Variants in ZC4H2 observed in about 807,000 individuals in gnomAD.
ZC4H2 encodes zinc finger C4H2 domain-containing protein.
For synonymous variants in ZC4H2, 84 were observed against 66.3 expected, an observed-to-expected ratio of 1.27 and a Z score of -1.30; for missense variants, 137 against 173.9, an observed-to-expected ratio of 0.79 and a Z score of 1.19.
At chrX:65,031,044 C>T (rs1270492523) in intron 1 of ZC4H2, among the ~76,000 whole-genome samples, 1 of 111,437 alleles carries the variant, frequency 9.0e-6, no homozygotes, top group Admixed American at 9.6e-5. Flanking sequence ...CTGTAAAACT[C>T]CATAATAATA....
chrX:64,929,223 G>T (rs1360236071), intron 1 of ZC4H2, among the ~76,000 whole-genome samples: 3 of 109,626 alleles, frequency 2.7e-5, no homozygotes, highest in South Asian at 3.8e-4. Context: ...GATTTTTTTT[G>T]TTGTTTTTGC....
At chrX:64,964,867 T>C (rs1931531067) in intron 1 of ZC4H2, among the ~76,000 whole-genome samples, 1 of 110,585 alleles carries the variant, frequency 9.0e-6, no homozygotes, top group Admixed American at 9.6e-5. Context: ...GGGAGAAATA[T>C]AGTGTTGTAT....
At chrX:65,015,115 TA>T (rs752095127) in intron 1 of ZC4H2, among the ~76,000 whole-genome samples, 6,584 of 111,338 alleles carry the variant, frequency 0.059, 202 homozygotes, top group Non-Finnish European at 0.096. Context: ...TGCTTGAGAA[TA>T]AAAATTCCTT....
At chrX:64,999,323 C>T (rs948863996) in intron 1 of ZC4H2, among the ~76,000 whole-genome samples, 6 of 111,139 alleles carry the variant, frequency 5.4e-5, no homozygotes, top group Admixed American at 1.9e-4. Flanking sequence ...ATTGCCTCAC[C>T]CAGGAAGCAC....
upstream of ZC4H2, among the ~76,000 whole-genome samples, chrX:64,978,909 T>G (rs924141829): frequency 9.0e-6 from 1 of 111,419 alleles, no homozygotes; most frequent in Non-Finnish European, 1.9e-5. Flanking sequence ...GATTTTAAAT[T>G]TAATGTCTCT....
chrX:64,987,981 A>G (rs1288732996), intron 1 of ZC4H2, among the ~76,000 whole-genome samples: 2 of 100,333 alleles, frequency 2.0e-5, no homozygotes, highest in African/African-American at 3.7e-5. Flanking sequence ...GAGAACATGC[A>G]GTGTTTGGTT....
At chrX:64,953,418 C>T (rs766098138) in intron 1 of ZC4H2, among the ~76,000 whole-genome samples, 32 of 112,067 alleles carry the variant, frequency 2.9e-4, no homozygotes, top group African/African-American at 1.0e-3. Context: ...TTGCAATGTA[C>T]TCATCTGACA....
rs753648400 is a variant in ZC4H2, at chrX:65,027,476, G to A, written c.-272+7153C>T. Among the ~76,000 whole-genome samples the A allele has an allele frequency of 7.2e-5, 8 of 111,538 alleles. No individual in the cohort carries two copies. In the East Asian group the frequency reaches 8.4e-4, roughly 12 times the overall value. Reference sequence around the variant, plus strand: ...ATAAATTAAGGCAAAATTGGTGGTGGTGCAGGTGTAAAAGAATGATGAATG... The same window carrying A: ...ATAAATTAAGGCAAAATTGGTGGTGATGCAGGTGTAAAAGAATGATGAATG... On this transcript the variant is annotated intron_variant, in intron 1 of 4. Transcript: ENST00000337990.
chrX:64,988,673 G>A (rs373886033), intron 1 of ZC4H2, among the ~76,000 whole-genome samples: 1 of 110,207 alleles, frequency 9.1e-6, no homozygotes, highest in Non-Finnish European at 1.9e-5. Flanking sequence ...TCTGTAGGTT[G>A]CCTGTTCACT....
At chrX:64,996,100 C>A (rs907446859) in intron 1 of ZC4H2, among the ~76,000 whole-genome samples, 70 of 111,364 alleles carry the variant, frequency 6.3e-4, no homozygotes, top group Non-Finnish European at 1.0e-3. Context: ...TGGGCTGATC[C>A]CTAGGCTCAG....
chrX:64,984,844 C>T (rs1473622663), intron 1 of ZC4H2, among the ~76,000 whole-genome samples: 1 of 112,384 alleles, frequency 8.9e-6, no homozygotes, highest in African/African-American at 3.2e-5. Flanking sequence ...ATTACCTTGG[C>T]ATATGCACAG....
intron 1 of ZC4H2, among the ~76,000 whole-genome samples, chrX:64,991,286 TGTG>T (rs1445523336): frequency 8.9e-6 from 1 of 112,008 alleles, no homozygotes; most frequent in Non-Finnish European, 1.9e-5. Context: ...ATTTAGGCAT[TGTG>T]GTGTTACATT....
intron 1 of ZC4H2, among the ~76,000 whole-genome samples, chrX:64,983,760 C>T (rs1265906402): frequency 9.0e-6 from 1 of 111,438 alleles, no homozygotes; most frequent in Non-Finnish European, 1.9e-5. Context: ...AGTATTCAAA[C>T]ATTTAACTTA....
At chrX:64,933,839 G>T (rs937002838) in intron 1 of ZC4H2, among the ~76,000 whole-genome samples, 2 of 111,468 alleles carry the variant, frequency 1.8e-5, no homozygotes, top group African/African-American at 3.3e-5. Flanking sequence ...TCAGGCTTCA[G>T]GTCAAGAGGA....
rs574326851 is a variant in ZC4H2, at chrX:65,019,715, G to A, written c.-272+14914C>T. 6.2e-3 allele frequency among the ~76,000 whole-genome samples: 700 copies of A among 112,135 alleles called. 1 individual carries two copies. The highest frequency in any genetic ancestry group is 0.011 in the Non-Finnish European group (566 of 53,164). On this transcript the variant is annotated intron_variant, in intron 1 of 4. Coordinates refer to the ZC4H2 transcript ENST00000337990. ...CAAATTGACAGAAGCAGGCTTCAGAGGTTGGGTAATAACAGTCTCCTCTGA... is the reference window on the plus strand; with the variant it reads ...CAAATTGACAGAAGCAGGCTTCAGAAGTTGGGTAATAACAGTCTCCTCTGA...
intron 1 of ZC4H2, among the ~76,000 whole-genome samples, chrX:65,010,777 T>G (rs1932746186): frequency 8.9e-6 from 1 of 112,332 alleles, no homozygotes; most frequent in African/African-American, 3.2e-5. Context: ...TATGCATTTC[T>G]TTAAATATAT....
intron 1 of ZC4H2, among the ~76,000 whole-genome samples, chrX:65,030,829 C>T (rs1932926714): frequency 9.0e-6 from 1 of 111,380 alleles, no homozygotes. Context: ...TCATCTCCCA[C>T]CCCTGATATC....
chrX:64,941,342 G>C (rs913768861), intron 1 of ZC4H2, among the ~76,000 whole-genome samples: 5 of 111,903 alleles, frequency 4.5e-5, no homozygotes, highest in Admixed American at 2.9e-4. Context: ...TTTGCAAACA[G>C]AGACAATTTG....
chrX:65,030,304 A>G (rs1324111284), intron 1 of ZC4H2, among the ~76,000 whole-genome samples: 2 of 108,887 alleles, frequency 1.8e-5, no homozygotes, highest in East Asian at 2.9e-4. Flanking sequence ...TTTTTTTTGT[A>G]CAGACCGGGT....
Sources: allele counts gnomAD v4.1 joint callset (sites outside exome capture counted in the v4.1 genomes callset), GRCh38; gene constraint gnomAD v4.1.1; transcripts MANE v1.5; gene names NCBI Gene and HGNC (gene_info 2026-07-23, HGNC 2026-07-21).